RASSF6: variants seen among roughly 807,000 people sequenced by gnomAD.
RASSF6 encodes the protein Ras association domain family member 6.
In RASSF6, 52 loss-of-function variants were observed where a neutral mutation model predicts 44.0. The ratio of observed to expected loss-of-function variants is 1.18; its 90% CI spans 0.95 to 1.49. The LOEUF (loss-of-function observed/expected upper bound fraction) is 1.49, where lower values mean the gene tolerates loss of function less well. Among genes scored for constraint, RASSF6 ranks in the 40% most tolerant of loss-of-function variants. The probability of loss-of-function intolerance (pLI) is 0.00; values close to 1 mark genes in which losing one functional copy is unlikely to be tolerated. For synonymous variants in RASSF6, 162 were observed against 124.6 expected, an observed-to-expected ratio of 1.30 and a Z score of -2.00; for missense variants, 464 against 393.3, an observed-to-expected ratio of 1.18 and a Z score of -1.52.
chr4:73,595,775 A>G (rs1203581731), intron 3 of RASSF6, among the ~76,000 whole-genome samples: 1 of 152,198 alleles, frequency 6.6e-6, no homozygotes, highest in Non-Finnish European at 1.5e-5. Flanking sequence ...TTCTTTATAA[A>G]GAGATTAGTT....
chr4:73,617,137 GT>G (rs1244332619), intron 1 of RASSF6, among the ~76,000 whole-genome samples: 1 of 152,174 alleles, frequency 6.6e-6, no homozygotes, highest in Non-Finnish European at 1.5e-5. Context: ...GTGATTGTTG[GT>G]TTTGAGATAG....
Position 73,576,851 on chromosome 4 carries a change from AG to A in RASSF6, c.722-121del. 1.5e-5 allele frequency: 10 copies of A among 655,244 alleles called. No individual in the cohort carries two copies. The South Asian group carries it at 2.1e-4, about 14-fold the overall frequency. The allele number at this position is 655,244 out of a possible 1,614,324, so 40.6% of individuals were successfully genotyped here. The stretch of plus-strand genomic sequence containing the variant: ...CTTTGAAAAAAATAACACCTGCAAC[AG>A]GAGGCAATTACTCAAAAAAGCAAAT... On this transcript the variant is annotated intron_variant, in intron 8 of 10. Coordinates refer to ENST00000307439, the MANE Select transcript of RASSF6 (RefSeq NM_177532.5).
At chr4:73,579,881 T>G (rs1415354073) in intron 8 of RASSF6, among the ~76,000 whole-genome samples, 1 of 151,886 alleles carries the variant, frequency 6.6e-6, no homozygotes, top group Non-Finnish European at 1.5e-5. Flanking sequence ...TTATTTTTAT[T>G]ATTATTATAC....
intron 8 of RASSF6, among the ~76,000 whole-genome samples, chr4:73,581,541 T>C (rs750201313): frequency 2.6e-5 from 4 of 152,196 alleles, no homozygotes; most frequent in Non-Finnish European, 5.9e-5. Flanking sequence ...GCCGAAACAG[T>C]TCCAGAGGGT....
rs1204694208 is a variant in RASSF6, at chr4:73,576,268, AT to A, written c.980del (p.Asn327IlefsTer3). The A allele has an allele frequency of 1.9e-6, 3 of 1,562,264 alleles. No homozygotes were observed. The East Asian group carries it at 6.7e-5, about 35-fold the overall frequency. ...EKAIILKCLQNKLVIKTETTV is the reference protein window; with the variant it reads ...EKAIILKCLQXKLVIKTETTV ...TTGTCTCTGTTTTTATTACTAGTTT[AT>A]TTTGAAGACATTTCAGTATAATCGC... is the stretch of plus-strand genomic sequence containing the variant. On this transcript the variant is annotated frameshift_variant, in exon 11 of 11. Transcript: ENST00000307439. LOFTEE classifies it high-confidence loss of function.
chr4:73,589,538 C>A (rs1287043659), intron 4 of RASSF6, among the ~76,000 whole-genome samples: 1 of 151,612 alleles, frequency 6.6e-6, no homozygotes, highest in Non-Finnish European at 1.5e-5. Flanking sequence ...TTTTGTCACA[C>A]AAATATAGGA....
In RASSF6 at chr4:73,590,488, T is replaced by C. The variant is rs529921670; in HGVS notation, c.288-2554A>G. Among the ~76,000 whole-genome samples, 7 of 152,310 alleles carry C rather than the reference T, an allele frequency of 4.6e-5. No homozygotes were observed. The East Asian group carries it at 7.7e-4, about 17-fold the overall frequency. Reference sequence around the variant, plus strand: ...AAAGTAAGAAAACAGTAAATTTCTTTTCACAATTAAAGGCTGAGAATTAAA... The same window carrying C: ...AAAGTAAGAAAACAGTAAATTTCTTCTCACAATTAAAGGCTGAGAATTAAA... On this transcript the variant is annotated intron_variant, in intron 4 of 10. Coordinates refer to ENST00000307439, the MANE Select transcript of RASSF6 (RefSeq NM_177532.5).
intron 2 of RASSF6, among the ~76,000 whole-genome samples, chr4:73,602,523 G>C (rs1725339902): frequency 6.6e-6 from 1 of 152,148 alleles, no homozygotes; most frequent in African/African-American, 2.4e-5. Flanking sequence ...ATCAATAAGA[G>C]GAGCCCTGAT....
intron 2 of RASSF6, among the ~76,000 whole-genome samples, chr4:73,609,065 G>T (rs1299259424): frequency 2.0e-5 from 3 of 152,200 alleles, no homozygotes; most frequent in Non-Finnish European, 2.9e-5. Context: ...TTGTACACGT[G>T]CCTTTTGAGC....
chr4:73,610,310 C>T (rs533357316), intron 2 of RASSF6, among the ~76,000 whole-genome samples: 1 of 152,176 alleles, frequency 6.6e-6, no homozygotes, highest in South Asian at 2.1e-4. Flanking sequence ...GTTCAAGCAA[C>T]CTTCATCTCC....
chr4:73,591,529 G>A (rs979022521), intron 4 of RASSF6, among the ~76,000 whole-genome samples: 6 of 152,236 alleles, frequency 3.9e-5, no homozygotes, highest in South Asian at 4.2e-4. Context: ...TACAGTTTTC[G>A]GAAAGCAGAG....
rs905329444 is a variant in RASSF6, at chr4:73,581,803, T to G, written c.721+14A>C. 6.3e-7 allele frequency: 1 copy of G among 1,590,840 alleles called. No individual in the cohort carries two copies. The highest frequency in any genetic ancestry group is 8.6e-7 in the Non-Finnish European group (1 of 1,159,286). ...CTCTAGAGTCAGGTAAAAAGTGTGA[T>G]CAAGCTTTCTTACCTCCTGTTGCAA... On this transcript the variant is annotated intron_variant, in intron 8 of 10. Transcript: ENST00000307439.
chr4:73,589,899 C>T (rs1300212963), intron 4 of RASSF6, among the ~76,000 whole-genome samples: 2 of 151,968 alleles, frequency 1.3e-5, no homozygotes, highest in Non-Finnish European at 2.9e-5. Flanking sequence ...TGGTCACTTC[C>T]CTACCCATAC....
At chr4:73,596,785 A>G (rs544107882) in intron 3 of RASSF6, among the ~76,000 whole-genome samples, 1 of 152,312 alleles carries the variant, frequency 6.6e-6, no homozygotes, top group South Asian at 2.1e-4. Context: ...ACACAGACTG[A>G]TGGAACAGAG....
intron 3 of RASSF6, 123 bp from the exon 4 acceptor site, chr4:73,593,716 G>A: frequency 1.1e-6 from 1 of 925,654 alleles, no homozygotes; most frequent in Non-Finnish European, 1.7e-6. Flanking sequence ...AAACGCCAGG[G>A]TTGTTGTTTG....
Position 73,585,356 on chromosome 4 carries a change from A to G in RASSF6, c.391T>C (p.Ser131Pro), listed in dbSNP as rs12507775. ...GGCTTCAGGGTGTTGCTGTGATAAGATAAATAGTCTGGGAAGAATAGATTA... is the reference window on the plus strand; with the variant it reads ...GGCTTCAGGGTGTTGCTGTGATAAGGTAAATAGTCTGGGAAGAATAGATTA... ...EKRNSQEDYL[S>P]YHSNTLKPHA... Residue 131 changes from serine (S) to proline (P), a missense_variant, in exon 6 of 11, where the codon TCT becomes CCT. Transcript: ENST00000307439. 0.26 allele frequency: 416,179 copies of G among 1,579,374 alleles called. 57,322 individuals are homozygous for G. Among genetic ancestry groups the G allele is most frequent in the Admixed American group, 0.41 (22,542 of 55,002 alleles).
At position 73,617,602 on chromosome 4, in the gene RASSF6, C is replaced by A. The variant is rs181159795; in HGVS notation, c.-35+2686G>T. On this transcript the variant is annotated intron_variant, in intron 1 of 10. Transcript: ENST00000307439. ...AATCGACACTCTCTCCTCTTAAGCT[C>A]CTTTACTAGGCTCTAGGTGATGATG... Among the ~76,000 whole-genome samples the A allele has an allele frequency of 7.2e-5, 11 of 152,270 alleles. No homozygotes were observed. In the East Asian group the frequency reaches 2.1e-3, roughly 29 times the overall value.
At chr4:73,620,465 G>A (rs777076945), upstream of RASSF6, 6 of 1,546,428 alleles carry the variant, frequency 3.9e-6, no homozygotes, top group East Asian at 1.2e-4. Context: ...AGGCCCGCGC[G>A]GGCGCAGGGG....
chr4:73,606,290 T>G (rs559724492), intron 2 of RASSF6, among the ~76,000 whole-genome samples: 1 of 152,330 alleles, frequency 6.6e-6, no homozygotes, highest in South Asian at 2.1e-4. Context: ...CGGAGGCTAT[T>G]ATCCTAAGTG....
Sources: allele counts gnomAD v4.1 joint callset (sites outside exome capture counted in the v4.1 genomes callset), GRCh38; gene constraint gnomAD v4.1.1; transcripts MANE v1.5; gene names NCBI Gene and HGNC (gene_info 2026-07-23, HGNC 2026-07-21).